PRKN: variants seen among roughly 807,000 people sequenced by gnomAD.
PRKN encodes the protein E3 ubiquitin-protein ligase parkin.
A neutral mutation model predicts 59.5 loss-of-function variants in PRKN; 56 were observed. The ratio of observed to expected loss-of-function variants is 0.94; its 90% CI spans 0.76 to 1.18. The LOEUF is 1.18. Ranked by LOEUF, PRKN falls within the 50% of genes most tolerant of loss-of-function variation. The pLI is 0.00. For missense variants in PRKN, 657 were observed against 596.4 expected (o/e 1.10, Z -1.06); for synonymous variants, 250 against 222.1 (o/e 1.13, Z -1.12).
intron 7 of PRKN, among the ~76,000 whole-genome samples, chr6:161,764,217 G>C (rs558129715): frequency 3.3e-5 from 5 of 152,252 alleles, no homozygotes; most frequent in African/African-American, 9.6e-5. Flanking sequence ...TATCTAATCT[G>C]TAATTATATA....
At chr6:162,177,182 A>T (rs1186148969) in intron 4 of PRKN, among the ~76,000 whole-genome samples, 1 of 152,212 alleles carries the variant, frequency 6.6e-6, no homozygotes, top group Non-Finnish European at 1.5e-5. Flanking sequence ...TGTTTAAATC[A>T]AAGCCATTGC....
intron 5 of PRKN, among the ~76,000 whole-genome samples, chr6:162,045,946 T>C (rs1201024550): frequency 1.3e-5 from 2 of 152,232 alleles, no homozygotes; most frequent in East Asian, 3.8e-4. Context: ...TTGAAACATT[T>C]GGGAAAGCTT....
At chr6:162,422,572 T>C (rs1583548100) in intron 2 of PRKN, among the ~76,000 whole-genome samples, 1 of 152,258 alleles carries the variant, frequency 6.6e-6, no homozygotes, top group Middle Eastern at 3.4e-3. Flanking sequence ...CACAGAGTTC[T>C]TTACGAGTAA....
At chr6:162,150,443 T>C (rs1416732922) in intron 4 of PRKN, among the ~76,000 whole-genome samples, 1 of 152,188 alleles carries the variant, frequency 6.6e-6, no homozygotes, top group East Asian at 1.9e-4. Context: ...CACAAGGCTT[T>C]GTTACCGCAG....
intron 7 of PRKN, among the ~76,000 whole-genome samples, chr6:161,622,259 C>T (rs1782933254): frequency 2.6e-5 from 4 of 152,200 alleles, no homozygotes; most frequent in Admixed American, 6.5e-5. Flanking sequence ...TCTCTCTTTG[C>T]TTAGGGCTGT....
At position 162,594,454 on chromosome 6, in the gene PRKN, C is replaced by T. The variant is rs775210509; in HGVS notation, c.7+133208G>A. 4.3e-4 allele frequency among the ~76,000 whole-genome samples: 66 copies of T among 152,110 alleles called. 1 individual carries two copies. The highest frequency in any genetic ancestry group is 4.1e-4 in the South Asian group (2 of 4,822). On this transcript the variant is annotated intron_variant, in intron 1 of 11. Transcript: ENST00000366898. ...TCCTTTTAAAAGTCTGGACATTTTA[C>T]AGCCTTCCCCTTCCTCTTTTCTGTT...
chr6:161,995,916 A>G (rs1267082808), intron 5 of PRKN, among the ~76,000 whole-genome samples: 1 of 152,068 alleles, frequency 6.6e-6, no homozygotes, highest in Non-Finnish European at 1.5e-5. Context: ...CTGAGGTGGG[A>G]AGACTGCTTG....
chr6:161,364,082 T>C (rs1403190039), intron 10 of PRKN, among the ~76,000 whole-genome samples: 1 of 143,904 alleles, frequency 6.9e-6, no homozygotes, highest in African/African-American at 2.6e-5. Flanking sequence ...GGCAGAAGAA[T>C]GGCGTGAACC....
Position 161,529,623 on chromosome 6 carries a change from G to A in PRKN, c.1083+19231C>T, listed in dbSNP as rs151137097. Among the ~76,000 whole-genome samples, 3 of 152,280 alleles carry A rather than the reference G, an allele frequency of 2.0e-5. No homozygotes were observed. The highest frequency in any genetic ancestry group is 4.4e-5 in the Non-Finnish European group (3 of 68,034). ...TTGGACGAAGTATAGTCTACTCATA[G>A]GATTACGGCAACTCAGTTTAAGTGA... On this transcript the variant is annotated intron_variant, in intron 9 of 11. Coordinates refer to ENST00000366898, the MANE Select transcript of PRKN (RefSeq NM_004562.3). This position sits in a 1 kb window ranked among gnomAD's most constrained non-coding sequence, Gnocchi z 4.4.
chr6:162,417,946 C>T (rs940157141), intron 2 of PRKN, among the ~76,000 whole-genome samples: 4 of 152,154 alleles, frequency 2.6e-5, no homozygotes, highest in African/African-American at 9.7e-5. Flanking sequence ...TGGAAAACAG[C>T]CTGAGGGTTC....
intron 6 of PRKN, among the ~76,000 whole-genome samples, chr6:161,900,499 TATA>T (rs1237199893): frequency 7.2e-6 from 1 of 139,368 alleles, no homozygotes; most frequent in African/African-American, 2.7e-5. Context: ...AATTATATAT[TATA>T]ATATATATTA....
At chr6:162,190,890 G>GT (rs1232112478) in intron 4 of PRKN, among the ~76,000 whole-genome samples, 1 of 152,168 alleles carries the variant, frequency 6.6e-6, no homozygotes. Flanking sequence ...TACAGATGTA[G>GT]TTTTTACTTC....
At chr6:162,352,461 T>C (rs1394388088) in intron 2 of PRKN, among the ~76,000 whole-genome samples, 2 of 152,176 alleles carry the variant, frequency 1.3e-5, no homozygotes, top group African/African-American at 2.4e-5. Context: ...TCCAAAGCGC[T>C]GTTTTAGAAA....
rs190189167 is a variant in PRKN, at chr6:161,475,047, G to C, written c.1083+73807C>G. 6.6e-6 allele frequency among the ~76,000 whole-genome samples: 1 copy of C among 151,036 alleles called. No individual in the cohort carries two copies. The highest frequency in any genetic ancestry group is 1.5e-5 in the Non-Finnish European group (1 of 67,836). On this transcript the variant is annotated intron_variant, in intron 9 of 11. Coordinates refer to ENST00000366898, the MANE Select transcript of PRKN (RefSeq NM_004562.3). This position sits in a 1 kb window ranked among gnomAD's most constrained non-coding sequence, Gnocchi z 5.3. ...AGCCTCCCAAGTAGCTGGGACTACA[G>C]GCATGCACCACCATGCCCAGCTAAT... is the stretch of plus-strand genomic sequence containing the variant.
intron 7 of PRKN, among the ~76,000 whole-genome samples, chr6:161,709,605 G>T (rs1044067021): frequency 6.6e-6 from 1 of 152,156 alleles, no homozygotes; most frequent in African/African-American, 2.4e-5. Context: ...TATGTATTTA[G>T]TTTGGTTAAT....
At chr6:162,579,966 G>T (rs1202880143) in intron 1 of PRKN, among the ~76,000 whole-genome samples, 1 of 152,146 alleles carries the variant, frequency 6.6e-6, no homozygotes, top group African/African-American at 2.4e-5. Flanking sequence ...TTGCTGAATT[G>T]ATTAAACATG....
At chr6:161,716,662 G>T (rs115293120) in intron 7 of PRKN, among the ~76,000 whole-genome samples, 1 of 152,186 alleles carries the variant, frequency 6.6e-6, no homozygotes, top group South Asian at 2.1e-4. Flanking sequence ...TTTCACTGAG[G>T]TTGGGCAGAC....
chr6:162,575,515 T>C (rs956355717), intron 1 of PRKN, among the ~76,000 whole-genome samples: 1 of 151,856 alleles, frequency 6.6e-6, no homozygotes, highest in African/African-American at 2.4e-5. Context: ...TTTTTTCATT[T>C]AATGCAGTCT....
chr6:161,721,382 G>C (rs1430553191), intron 7 of PRKN, among the ~76,000 whole-genome samples: 2 of 152,174 alleles, frequency 1.3e-5, no homozygotes, highest in African/African-American at 4.8e-5. Flanking sequence ...AGTTTCTCTA[G>C]CAGGGCAGCA....
Sources: allele counts gnomAD v4.1 joint callset (sites outside exome capture counted in the v4.1 genomes callset), GRCh38; gene constraint gnomAD v4.1.1; non-coding constraint Gnocchi (gnomAD v3.1); transcripts MANE v1.5; gene names NCBI Gene and HGNC (gene_info 2026-07-23, HGNC 2026-07-21).